Variants in KLHL29 observed in about 807,000 individuals in gnomAD.
The protein encoded by KLHL29 is kelch-like protein 29.
In KLHL29, 21 loss-of-function variants were observed where a neutral mutation model predicts 80.4. The ratio of observed to expected loss-of-function variants is 0.26; its 90% CI spans 0.19 to 0.38. KLHL29 has a LOEUF of 0.38. KLHL29 is among the 10% of genes least tolerant of loss of function. KLHL29 has a pLI of 1.00. For synonymous variants in KLHL29, 511 were observed against 526.8 expected, an observed-to-expected ratio of 0.97 and a Z score of 0.41; for missense variants, 867 against 1,223.9, an observed-to-expected ratio of 0.71 and a Z score of 4.35.
At chr2:23,537,036 G>C (rs1666690337) in intron 2 of KLHL29, among the ~76,000 whole-genome samples, 3 of 152,070 alleles carry the variant, frequency 2.0e-5, no homozygotes, top group Non-Finnish European at 4.4e-5. Context: ...TTACGTCCCT[G>C]TTCTTGGCAG....
chr2:23,526,047 C>T (rs553932939), intron 2 of KLHL29, among the ~76,000 whole-genome samples: 4 of 152,350 alleles, frequency 2.6e-5, no homozygotes, highest in Middle Eastern at 6.8e-3. Flanking sequence ...AATGTTTGCC[C>T]TCCTCTGCTT....
At position 23,512,168 on chromosome 2, in the gene KLHL29, G is replaced by A. The variant is rs545503666; in HGVS notation, c.-46+36501G>A. 1.1e-4 allele frequency among the ~76,000 whole-genome samples: 16 copies of A among 152,228 alleles called. 1 individual carries two copies. The highest frequency in any genetic ancestry group is 3.1e-4 in the African/African-American group (13 of 41,540). On this transcript the variant is annotated intron_variant, in intron 2 of 13. Coordinates refer to ENST00000486442, the MANE Select transcript of KLHL29 (RefSeq NM_052920.2). ...GTCTTTAAGATCAGGATAATAGGCC[G>A]GACGCGGTGGCTCACACCTGTAATC...
chr2:23,614,934 T>C (rs1668964470), intron 3 of KLHL29, among the ~76,000 whole-genome samples: 1 of 151,846 alleles, frequency 6.6e-6, no homozygotes, highest in Admixed American at 6.6e-5. Context: ...GGGAATGGAG[T>C]GTGCTGCTCC....
chr2:23,438,078 A>C (rs942913377), intron 1 of KLHL29, among the ~76,000 whole-genome samples: 5 of 151,162 alleles, frequency 3.3e-5, no homozygotes, highest in African/African-American at 4.9e-5. Context: ...AGCAATTGTG[A>C]ATGGGAGTTC....
chr2:23,698,493 G>T (rs1672131955), intron 11 of KLHL29, among the ~76,000 whole-genome samples: 2 of 152,176 alleles, frequency 1.3e-5, no homozygotes, highest in Admixed American at 1.3e-4. Context: ...ACACGAGGGG[G>T]CTTTGTTCCC....
At chr2:23,393,192 A>G (rs1260065805) in intron 1 of KLHL29, among the ~76,000 whole-genome samples, 2 of 152,218 alleles carry the variant, frequency 1.3e-5, no homozygotes, top group African/African-American at 4.8e-5. Context: ...TGCCTGGAGA[A>G]GGTGTCAGAT....
intron 3 of KLHL29, among the ~76,000 whole-genome samples, chr2:23,592,943 A>C (rs895938312): frequency 2.6e-5 from 4 of 152,148 alleles, no homozygotes; most frequent in African/African-American, 9.7e-5. Context: ...TAGGTCTTTA[A>C]GACTTTTCCC....
chr2:23,662,545 T>C (rs1572476032), intron 5 of KLHL29, among the ~76,000 whole-genome samples: 1 of 152,008 alleles, frequency 6.6e-6, no homozygotes, highest in South Asian at 2.1e-4. Flanking sequence ...CCTCCTGGGG[T>C]TCCAGCCCCT....
intron 2 of KLHL29, among the ~76,000 whole-genome samples, chr2:23,488,567 G>C (rs1014385572): frequency 2.0e-5 from 3 of 152,260 alleles, no homozygotes; most frequent in African/African-American, 7.2e-5. Context: ...ATCCGAGCCA[G>C]AGAAAAGCAG....
intron 3 of KLHL29, among the ~76,000 whole-genome samples, chr2:23,613,788 A>AAAAAAAAAAAAAC (rs1553344242): frequency 2.1e-4 from 31 of 147,342 alleles, no homozygotes; most frequent in Admixed American, 3.3e-4. Context: ...AAAAAAAAAA[A>AAAAAAAAAAAAAC]AACCCACCAC....
At chr2:23,624,029 G>A (rs987879933) in intron 3 of KLHL29, among the ~76,000 whole-genome samples, 1 of 152,182 alleles carries the variant, frequency 6.6e-6, no homozygotes, top group African/African-American at 2.4e-5. Flanking sequence ...GAAGATGAAT[G>A]AGTGGGTTGG....
chr2:23,520,402 C>G (rs188027675), intron 2 of KLHL29, among the ~76,000 whole-genome samples: 1 of 152,196 alleles, frequency 6.6e-6, no homozygotes, highest in Non-Finnish European at 1.5e-5. Flanking sequence ...TTCTGTGATT[C>G]GTTGACTACT....
intron 3 of KLHL29, among the ~76,000 whole-genome samples, chr2:23,582,837 A>C (rs1668021361): frequency 6.6e-6 from 1 of 152,196 alleles, no homozygotes; most frequent in Admixed American, 6.5e-5. Context: ...CCCACCCCCC[A>C]GCCAAATATA....
Position 23,695,810 on chromosome 2 carries a change from G to A in KLHL29, c.1730G>A (p.Arg577His), listed in dbSNP as rs988218634. 1.9e-6 allele frequency: 3 copies of A among 1,548,932 alleles called. No individual in the cohort carries two copies. Among genetic ancestry groups the A allele is most frequent in the South Asian group, 1.2e-5 (1 of 83,772 alleles). ...ATGCAGACGCCCCGAACCCGGCCGC[G>A]CCTCTCTGCAGGTATGAAGGGGCAC... ...QEMQTPRTRP[R>H]LSAGVAEVIV... is the part of the protein sequence containing the mutation. The change falls in exon 9 of 14, where the codon CGC becomes CAC. Residue 577 changes from arginine to histidine, a missense_variant. Arg to His is a conservative substitution (Grantham distance 29). This residue lies in a region of KLHL29 where 443 missense variants were observed against 767.0 expected (regional missense o/e 0.58). Transcript: ENST00000486442. This position sits in a 1 kb window ranked among gnomAD's most constrained non-coding sequence, Gnocchi z 7.6.
At chr2:23,659,021 A>G (rs756466628) in intron 5 of KLHL29, among the ~76,000 whole-genome samples, 2 of 152,072 alleles carry the variant, frequency 1.3e-5, no homozygotes, top group African/African-American at 2.4e-5. Flanking sequence ...TTGATGGTCT[A>G]TTTTCATGTC....
Position 23,503,421 on chromosome 2 carries a change from A to G in KLHL29, c.-46+27754A>G, listed in dbSNP as rs1019924503. The stretch of plus-strand genomic sequence containing the variant: ...ATCTTTGGCCACTTACATGTTTGCC[A>G]TGATCATTGCCAATCAAACTAGGAA... On this transcript the variant is annotated intron_variant, in intron 2 of 13. Transcript: ENST00000486442. This position sits in a 1 kb window ranked among gnomAD's most constrained non-coding sequence, Gnocchi z 4.0. Among the ~76,000 whole-genome samples, 1 of 152,148 alleles carries G rather than the reference A, an allele frequency of 6.6e-6. No individual in the cohort carries two copies. Among genetic ancestry groups the G allele is most frequent in the Admixed American group, 6.5e-5 (1 of 15,278 alleles).
At chr2:23,409,026 G>T (rs1485279477) in intron 1 of KLHL29, among the ~76,000 whole-genome samples, 1 of 152,118 alleles carries the variant, frequency 6.6e-6, no homozygotes, top group African/African-American at 2.4e-5. Flanking sequence ...AGAATAATTT[G>T]GGAGCTAGTT....
Position 23,403,724 on chromosome 2 carries a change from AGAGTGTGTGTGTGTGTGTGTGT to A in KLHL29, c.-154+17946_-154+17967del, listed in dbSNP as rs1422021997. Among the ~76,000 whole-genome samples the A allele has an allele frequency of 2.5e-3, 344 of 140,302 alleles. 1 individual carries two copies. The highest frequency in any genetic ancestry group is 9.0e-3 in the African/African-American group (316 of 35,028). The allele number at this position is 140,302 out of a possible 152,430, so 92.0% of individuals were successfully genotyped here. ...AGATGAAACCCAAAGAGAGAGAGAG[AGAGTGTGTGTGTGTGTGTGTGT>A]GTGTGTGTGTGTGTGTGTGCAGGCG... On this transcript the variant is annotated intron_variant, in intron 1 of 13. Transcript: ENST00000486442.
intron 2 of KLHL29, among the ~76,000 whole-genome samples, chr2:23,515,097 G>A (rs1276092995): frequency 6.6e-6 from 1 of 152,138 alleles, no homozygotes; most frequent in Non-Finnish European, 1.5e-5. Flanking sequence ...TAATGAACTT[G>A]ATAGTTAACC....
Sources: allele counts gnomAD v4.1 joint callset (sites outside exome capture counted in the v4.1 genomes callset), GRCh38; gene constraint gnomAD v4.1.1; regional missense constraint gnomAD v4.1.1; non-coding constraint Gnocchi (gnomAD v3.1); transcripts MANE v1.5; gene names NCBI Gene and HGNC (gene_info 2026-07-23, HGNC 2026-07-21).